SSBP3: variants seen among roughly 807,000 people sequenced by gnomAD.
SSBP3 encodes single stranded DNA binding protein 3, also known as single-stranded DNA-binding protein 3.
Under a neutral mutation model 69.6 loss-of-function variants are expected in SSBP3, and 5 were observed. The ratio of observed to expected loss-of-function variants is 0.07; its 90% CI spans 0.04 to 0.15. The LOEUF (loss-of-function observed/expected upper bound fraction) is 0.15, where lower values mean the gene tolerates loss of function less well. SSBP3 is among the 10% of genes least tolerant of loss of function. The pLI is 1.00. For missense variants in SSBP3, 312 were observed against 534.0 expected (o/e 0.58, Z 4.10); for synonymous variants, 196 against 193.4 (o/e 1.01, Z -0.11).
chr1:54,335,701 T>G (rs773420503), intron 4 of SSBP3: 1 of 152,246 alleles, frequency 6.6e-6, no homozygotes, highest in African/African-American at 2.4e-5. Context: ...CATTTCTGCC[T>G]GTCCTCAGGA....
chr1:54,356,117 C>T (rs549192621), intron 4 of SSBP3, among the ~76,000 whole-genome samples: 9 of 152,318 alleles, frequency 5.9e-5, no homozygotes, highest in Non-Finnish European at 1.0e-4. Context: ...CCTGTTGCTA[C>T]GGCAACCATA....
chr1:54,396,205 A>AAAAAAAAAAAAC (rs1648864482), intron 4 of SSBP3, among the ~76,000 whole-genome samples: 1 of 149,772 alleles, frequency 6.7e-6, no homozygotes, highest in Admixed American at 6.6e-5. Flanking sequence ...AAAAAAAAAA[A>AAAAAAAAAAAAC]AAAAAAAAAA....
intron 5 of SSBP3, among the ~76,000 whole-genome samples, chr1:54,279,154 A>C (rs1040738753): frequency 3.3e-5 from 5 of 152,082 alleles, no homozygotes; most frequent in Admixed American, 2.0e-4. Context: ...AGGCCAAGAC[A>C]TTGCTCTCTG....
intron 4 of SSBP3, among the ~76,000 whole-genome samples, chr1:54,316,196 A>T (rs181043172): frequency 5.3e-5 from 8 of 151,968 alleles, no homozygotes; most frequent in African/African-American, 1.4e-4. Context: ...AATACAAAAA[A>T]TCAGCTGGGT....
At chr1:54,328,959 T>C (rs904489764) in intron 4 of SSBP3, among the ~76,000 whole-genome samples, 1 of 152,206 alleles carries the variant, frequency 6.6e-6, no homozygotes, top group African/African-American at 2.4e-5. Flanking sequence ...CTCCTCCTCT[T>C]CGTCTCTGGC....
In SSBP3 at chr1:54,394,460, C is replaced by T. The variant is rs373602594; in HGVS notation, c.276+7401G>A. Among the ~76,000 whole-genome samples, 47 of 151,900 alleles carry T rather than the reference C, an allele frequency of 3.1e-4. No individual in the cohort carries two copies. In the East Asian group the frequency reaches 7.6e-3, roughly 25 times the overall value. ...TTCCACACAATTCTTTTTAAGCCCA[C>T]ATCTCATCCTGGACTGCATCTGTCT... On this transcript the variant is annotated intron_variant, in intron 4 of 17. Coordinates refer to ENST00000610401, the Ensembl canonical transcript of SSBP3.
intron 4 of SSBP3, among the ~76,000 whole-genome samples, chr1:54,395,959 G>A (rs887140687): frequency 1.3e-4 from 20 of 152,134 alleles, no homozygotes; most frequent in Non-Finnish European, 1.8e-4. Context: ...TTGGGAGGCT[G>A]AGGCAGTCAG....
intron 1 of SSBP3, among the ~76,000 whole-genome samples, chr1:54,411,848 C>CAT (rs1208330786): frequency 1.4e-5 from 2 of 142,676 alleles, no homozygotes; most frequent in East Asian, 2.2e-4. Flanking sequence ...GCCGAGATGG[C>CAT]GTCACTGCAC....
chr1:54,276,608 C>CACAAAAAAAAA (rs1553129772), intron 5 of SSBP3, among the ~76,000 whole-genome samples: 7 of 35,208 alleles, frequency 2.0e-4, no homozygotes, highest in Admixed American at 3.8e-4. Context: ...GACTCTGTCT[C>CACAAAAAAAAA]AAAAAAAAAA....
intron 5 of SSBP3, among the ~76,000 whole-genome samples, chr1:54,260,021 T>C (rs1435251252): frequency 6.6e-6 from 1 of 152,368 alleles, no homozygotes; most frequent in Non-Finnish European, 1.5e-5. Flanking sequence ...ATAATGGCAC[T>C]GATTAGAGGG....
chr1:54,254,707 CG>C (rs1262997738), intron 7 of SSBP3, among the ~76,000 whole-genome samples: 1 of 152,188 alleles, frequency 6.6e-6, no homozygotes, highest in Non-Finnish European at 1.5e-5. Context: ...GCAGACCCAA[CG>C]AGGGCACTCT....
chr1:54,383,460 A>G (rs1415106335), intron 4 of SSBP3, among the ~76,000 whole-genome samples: 1 of 152,300 alleles, frequency 6.6e-6, no homozygotes, highest in African/African-American at 2.4e-5. Flanking sequence ...TGAAGAACAG[A>G]TAAGAGCCAT....
At chr1:54,407,582 T>G (rs879115068), upstream of SSBP3, among the ~76,000 whole-genome samples, 1 of 151,730 alleles carries the variant, frequency 6.6e-6, no homozygotes, top group South Asian at 2.1e-4. Flanking sequence ...AGGGGAAGGC[T>G]CCCCCATTTT....
At chr1:54,246,769 A>C (rs1644741601) in intron 9 of SSBP3, among the ~76,000 whole-genome samples, 1 of 152,254 alleles carries the variant, frequency 6.6e-6, no homozygotes, top group South Asian at 2.1e-4. Flanking sequence ...AGAAAGCCAG[A>C]GACATGCCCA....
chr1:54,347,210 C>T (rs1034443033), intron 4 of SSBP3, among the ~76,000 whole-genome samples: 6 of 152,306 alleles, frequency 3.9e-5, no homozygotes, highest in African/African-American at 1.2e-4. Flanking sequence ...TCAAGCAACC[C>T]TCCCACCTTG....
chr1:54,391,409 G>A (rs892353238), intron 4 of SSBP3, among the ~76,000 whole-genome samples: 7 of 152,200 alleles, frequency 4.6e-5, no homozygotes, highest in Admixed American at 6.5e-5. Flanking sequence ...GGCAAAGCCC[G>A]GCAGGCAGCG....
At chr1:54,383,835 G>C (rs1056915302) in intron 4 of SSBP3, among the ~76,000 whole-genome samples, 1 of 151,958 alleles carries the variant, frequency 6.6e-6, no homozygotes, top group African/African-American at 2.4e-5. Context: ...GGCCGGGCAC[G>C]GTGGCTCACG....
At chr1:54,242,137 A>C in intron 11 of SSBP3, 27 bp downstream of exon 11, 1 of 1,611,292 alleles carries the variant, frequency 6.2e-7, no homozygotes, top group East Asian at 2.2e-5. Flanking sequence ...CCTGACAAAC[A>C]CCACCCCACC....
chr1:54,230,610 A>G (rs890158100), intron 14 of SSBP3, among the ~76,000 whole-genome samples: 8 of 152,164 alleles, frequency 5.3e-5, no homozygotes, highest in Admixed American at 5.2e-4. Context: ...AACCATCACC[A>G]CAACCAATTT....
Sources: gnomAD v4.1 joint callset for allele counts (sites outside exome capture counted in the v4.1 genomes callset) on GRCh38, gnomAD v4.1.1 for gene constraint, MANE v1.5 for transcripts, NCBI Gene and HGNC (gene_info 2026-07-23, HGNC 2026-07-21) for gene names.